Variants in PCDH20 observed in about 807,000 individuals in gnomAD.
PCDH20 encodes protocadherin-20.
A neutral mutation model predicts 39.7 loss-of-function variants in PCDH20; 18 were observed. That is an observed-to-expected ratio of 0.45 (90% CI 0.31 to 0.67). The LOEUF is 0.67. PCDH20 is among the 30% of genes least tolerant of loss of function. The pLI, the probability that PCDH20 is intolerant of heterozygous loss-of-function variation, is 0.05. For synonymous variants in PCDH20, 495 were observed against 455.4 expected (o/e 1.09, Z -1.11); for missense variants, 1,161 against 1,167.4 (o/e 0.99, Z 0.08).
exon 2 of PCDH20, chr13:61,413,594 A>T: frequency 6.2e-7 from 1 of 1,614,188 alleles, no homozygotes; most frequent in South Asian, 1.1e-5. Context: ...GGAGAGGAGG[A>T]GATGGAAACG....
At chr13:61,411,549 C>G in exon 2 of PCDH20, 1 of 1,614,172 alleles carries the variant, frequency 6.2e-7, no homozygotes, top group South Asian at 1.1e-5. Context: ...CAATGTAACT[C>G]TCATTACTGA....
exon 1 of PCDH20, chr13:61,415,182 C>T (rs1464351472): frequency 3.6e-6 from 5 of 1,394,208 alleles, no homozygotes; most frequent in East Asian, 2.9e-5. Flanking sequence ...GCAGTCAGAG[C>T]GCTCTTGAAG....
exon 2 of PCDH20, chr13:61,411,719 A>C (rs758727072): frequency 6.2e-7 from 1 of 1,614,074 alleles, no homozygotes; most frequent in Non-Finnish European, 8.5e-7. Flanking sequence ...ATCCTGAAGG[A>C]CTCAGGCCTA....
chr13:61,412,847 T>C, exon 2 of PCDH20: 1 of 1,614,022 alleles, frequency 6.2e-7, no homozygotes, highest in Non-Finnish European at 8.5e-7. Context: ...AAAATAACTT[T>C]AATAATGGAC....
exon 2 of PCDH20, chr13:61,412,278 G>A: frequency 6.2e-7 from 1 of 1,614,102 alleles, no homozygotes; most frequent in Non-Finnish European, 8.5e-7. Context: ...CTCTGACAGT[G>A]TATCTGTACT....
exon 2 of PCDH20, chr13:61,413,096 C>A (rs757592226): frequency 1.2e-6 from 2 of 1,614,200 alleles, no homozygotes; most frequent in Non-Finnish European, 1.7e-6. Context: ...GGGGTGCCCA[C>A]TGTAGCATTC....
At chr13:61,413,693 GGTTGTC>G in exon 2 of PCDH20, 1 of 1,614,022 alleles carries the variant, frequency 6.2e-7, no homozygotes, top group Non-Finnish European at 8.5e-7. Flanking sequence ...TCCCCAGAGC[GGTTGTC>G]TAGGGTCACG....
chr13:61,413,831 G>A, exon 2 of PCDH20: 1 of 1,612,772 alleles, frequency 6.2e-7, no homozygotes, highest in Non-Finnish European at 8.5e-7. Context: ...GGCAGCAGCC[G>A]CAGGTCCTCG....
Position 61,415,287 on chromosome 13 carries a change from C to G in PCDH20, c.-129G>C. 1 of 1,147,236 alleles carries G rather than the reference C, an allele frequency of 8.7e-7. No homozygotes were observed. The highest frequency in any genetic ancestry group is 1.1e-6 in the Non-Finnish European group (1 of 890,662). 71.1% of individuals were successfully genotyped at this position (1,147,236 alleles called of 1,614,324 possible). On this transcript the variant is annotated 5_prime_UTR_variant, in exon 1 of 2. The change abolishes the stop of an existing upstream ORF in the 5' untranslated region. Coordinates refer to ENST00000409204, the Ensembl canonical transcript of PCDH20. ...GGCTCTTCAATTAAGGACGGGAACTCAAAGAGTGGCAGAAAGGCAAGAGGG... is the reference window on the plus strand; with the variant it reads ...GGCTCTTCAATTAAGGACGGGAACTGAAAGAGTGGCAGAAAGGCAAGAGGG...
exon 1 of PCDH20, chr13:61,415,236 T>TG (rs1185175800): frequency 5.5e-6 from 7 of 1,284,374 alleles, no homozygotes; most frequent in Non-Finnish European, 7.0e-6. Flanking sequence ...TGCAAATCGC[T>TG]GGGGGAACTT....
exon 1 of PCDH20, chr13:61,415,123 G>C: frequency 6.5e-7 from 1 of 1,530,716 alleles, no homozygotes; most frequent in Non-Finnish European, 8.8e-7. Context: ...TCACTCCCAG[G>C]GCCTGTGAGC....
exon 2 of PCDH20, chr13:61,411,952 T>C: frequency 1.2e-6 from 2 of 1,614,114 alleles, no homozygotes; most frequent in Non-Finnish European, 1.7e-6. Context: ...CTCACCCCCA[T>C]CAACAGCTTC....
At chr13:61,414,007 G>T in intron 1 of PCDH20, 41 bp from the exon 2 acceptor site, 4 of 1,518,660 alleles carry the variant, frequency 2.6e-6, no homozygotes, top group South Asian at 1.2e-5. Flanking sequence ...ACACACACGG[G>T]GAAATAGGGG....
chr13:61,414,761 G>A (rs1261065443), intron 1 of PCDH20, among the ~76,000 whole-genome samples: 1 of 152,144 alleles, frequency 6.6e-6, no homozygotes, highest in African/African-American at 2.4e-5. Context: ...AACCCCTGTA[G>A]CTAAAGCGGA....
In PCDH20 at chr13:61,411,843, C is replaced by A. The variant is rs767793147; in HGVS notation, c.2256G>T (p.Leu752=). The change falls in exon 2 of 2, where the codon CTG becomes CTT. Residue 752 remains leucine, a synonymous_variant. Coordinates refer to ENST00000409204, the Ensembl canonical transcript of PCDH20. ...CTGGCAGAGTAGAAGGCAGTACTAACAGATAAGACATATTAGACTGAGGAA... is the reference window on the plus strand; with the variant it reads ...CTGGCAGAGTAGAAGGCAGTACTAAAAGATAAGACATATTAGACTGAGGAA... 2.5e-6 allele frequency: 4 copies of A among 1,613,976 alleles called. No homozygotes were observed. In the East Asian group the frequency reaches 6.7e-5, roughly 27 times the overall value.
At chr13:61,415,152 C>A (rs916155435) in exon 1 of PCDH20, 2 of 1,446,954 alleles carry the variant, frequency 1.4e-6, no homozygotes, top group East Asian at 2.8e-5. Context: ...TTCCCTCGGC[C>A]GCGCATTCCC....
chr13:61,413,909 G>A (rs776505330), exon 2 of PCDH20: 4 of 1,613,194 alleles, frequency 2.5e-6, no homozygotes, highest in African/African-American at 1.3e-5. Context: ...TCGGTGGCCC[G>A]GCTGTAACTC....
At chr13:61,415,257 T>G in exon 1 of PCDH20, 1 of 1,239,272 alleles carries the variant, frequency 8.1e-7, no homozygotes, top group Non-Finnish European at 1.0e-6. Context: ...CAGCCAATAG[T>G]CACTGGCTCT....
rs535374343 is a variant in PCDH20, at chr13:61,412,781, A to G, written c.1318T>C (p.Tyr440His). The stretch of plus-strand genomic sequence containing the variant: ...TTAACGGGTTCCAGTTCTTTCAGAT[A>G]AACCACACCATCTATCTCGTTTGCT... Residue 440 changes from tyrosine (Y) to histidine (H), a missense_variant, in exon 2 of 2, where the codon TAT becomes CAT. Tyr to His is a moderately conservative substitution (Grantham distance 83). Transcript: ENST00000409204. 3.1e-6 allele frequency: 5 copies of G among 1,614,156 alleles called. No homozygotes were observed. In the East Asian group the frequency reaches 8.9e-5, roughly 29 times the overall value.
Sources: gnomAD v4.1 joint callset for allele counts (sites outside exome capture counted in the v4.1 genomes callset) on GRCh38, gnomAD v4.1.1 for gene constraint, MANE v1.5 for transcripts, NCBI Gene and HGNC (gene_info 2026-07-23, HGNC 2026-07-21) for gene names.